Variants in KIZ observed in about 807,000 individuals in gnomAD.
The protein encoded by KIZ is centrosomal protein kizuna.
In KIZ, 68 loss-of-function variants were observed where a neutral mutation model predicts 79.6. The ratio of observed to expected loss-of-function variants is 0.85; its 90% confidence interval spans 0.70 to 1.05. The LOEUF (loss-of-function observed/expected upper bound fraction) is 1.05. KIZ is among the 50% of genes least tolerant of loss of function. KIZ has a pLI of 0.00. For missense variants in KIZ, 797 were observed against 800.4 expected (o/e 1.00, Z 0.05); for synonymous variants, 280 against 281.8 (o/e 0.99, Z 0.06).
chr20:21,132,117 TG>T lies in KIZ; in HGVS notation c.112del (p.Glu38LysfsTer17). 1 of 1,441,064 alleles carries T rather than the reference TG, an allele frequency of 6.9e-7. No individual in the cohort carries two copies. The highest frequency in any genetic ancestry group is 9.5e-7 in the Non-Finnish European group (1 of 1,051,562). 89.3% of individuals were successfully genotyped at this position (1,441,064 alleles called of 1,614,324 possible). A position where few individuals can be genotyped will look rare whatever the true frequency, so the allele number is the denominator to read the frequency against. On this transcript the variant is annotated frameshift_variant, in exon 2 of 13. Transcript: ENST00000619189. LOFTEE classifies it high-confidence loss of function. ...LRDSEKKRLD[L>X]EKKLYEYNQS... The stretch of plus-strand genomic sequence containing the variant: ...TATAGTGAAAAGAAGAGATTGGACC[TG>T]GAAAAGAAACTTTATGAATATAATC...
intron 6 of KIZ, chr20:21,195,543 T>C (rs1000314030): frequency 2.6e-5 from 4 of 152,224 alleles, no homozygotes; most frequent in African/African-American, 9.6e-5. Context: ...CCAAAAACAT[T>C]AAGCCATGGT....
intron 3 of KIZ, among the ~76,000 whole-genome samples, chr20:21,144,708 A>G (rs1322550525): frequency 1.3e-5 from 2 of 152,274 alleles, no homozygotes; most frequent in African/African-American, 2.4e-5. Flanking sequence ...TCGTATGTCA[A>G]AACAAAGCTC....
chr20:21,131,123 T>A (rs2031811603), intron 1 of KIZ, among the ~76,000 whole-genome samples: 1 of 152,234 alleles, frequency 6.6e-6, no homozygotes, highest in African/African-American at 2.4e-5. Context: ...CTGTGGCTAA[T>A]CCTCCCAGGC....
chr20:21,236,851 T>A (rs912328725), intron 11 of KIZ, among the ~76,000 whole-genome samples: 2 of 151,262 alleles, frequency 1.3e-5, no homozygotes, highest in Admixed American at 6.6e-5. Context: ...ACAAAAAAAA[T>A]TAGCCAGGTG....
chr20:21,194,495 T>C (rs2035254712), intron 6 of KIZ: 1 of 152,248 alleles, frequency 6.6e-6, no homozygotes, highest in African/African-American at 2.4e-5. Context: ...GCAAAAGAAC[T>C]GATGAATATT....
chr20:21,166,458 T>C, intron 6 of KIZ: 2 of 1,583,492 alleles, frequency 1.3e-6, no homozygotes, highest in East Asian at 2.2e-5. Context: ...AATTCGCCAG[T>C]GTAACCATGC....
chr20:21,157,699 T>C (rs1377520809), intron 4 of KIZ, among the ~76,000 whole-genome samples: 3 of 152,198 alleles, frequency 2.0e-5, no homozygotes, highest in Non-Finnish European at 4.4e-5. Flanking sequence ...GAATTACTAG[T>C]TGAGAGCAGT....
Position 21,126,083 on chromosome 20 carries a change from G to C in KIZ, c.-33G>C, listed in dbSNP as rs556050036. On this transcript the variant is annotated 5_prime_UTR_variant, in exon 1 of 13. Coordinates refer to ENST00000619189, the MANE Select transcript of KIZ (RefSeq NM_018474.6). ...GCAACCCCGGCCGAACGGCCACCCA[G>C]AGGCTGTGCTGAGCTGGCGCAGCGG... The C allele has an allele frequency of 2.0e-6, 3 of 1,496,636 alleles. No individual in the cohort carries two copies. The highest frequency in any genetic ancestry group is 1.3e-5 in the South Asian group (1 of 79,786). The allele number at this position is 1,496,636 out of a possible 1,614,324, so 92.7% of individuals were successfully genotyped here. A position where few individuals can be genotyped will look rare whatever the true frequency, so the allele number is the denominator to read the frequency against.
chr20:21,166,477 C>T, intron 6 of KIZ: 1 of 1,574,678 alleles, frequency 6.4e-7, no homozygotes, highest in Non-Finnish European at 8.7e-7. Flanking sequence ...GCTTCATCAT[C>T]ACAATGAGAA....
intron 7 of KIZ, among the ~76,000 whole-genome samples, chr20:21,211,338 G>A (rs915784999): frequency 3.3e-5 from 5 of 152,178 alleles, no homozygotes; most frequent in Admixed American, 1.3e-4. Context: ...TTGTGCCCTG[G>A]CATTTAATTT....
At chr20:21,219,355 T>TA (rs2036425231) in intron 9 of KIZ, among the ~76,000 whole-genome samples, 1 of 152,090 alleles carries the variant, frequency 6.6e-6, no homozygotes, top group Non-Finnish European at 1.5e-5. Flanking sequence ...TCTTGCTCTG[T>TA]CACCCAGGCT....
intron 2 of KIZ, among the ~76,000 whole-genome samples, chr20:21,133,489 G>T (rs1248076896): frequency 1.3e-5 from 2 of 152,206 alleles, no homozygotes; most frequent in Non-Finnish European, 2.9e-5. Flanking sequence ...GAAGGCTCCT[G>T]GCCTTCTGGT....
Position 21,233,457 on chromosome 20 carries a change from G to T in KIZ, c.1880+627G>T, listed in dbSNP as rs566462301. 2.6e-4 allele frequency among the ~76,000 whole-genome samples: 40 copies of T among 152,206 alleles called. No individual in the cohort carries two copies. The South Asian group carries it at 6.9e-3, about 26-fold the overall frequency. ...AAAATACTAATCACAGTAGCTTCAG[G>T]TCACTTAGAATTTATAGATGGGAAT... is the stretch of plus-strand genomic sequence containing the variant. On this transcript the variant is annotated intron_variant, in intron 11 of 12. Coordinates refer to ENST00000619189, the MANE Select transcript of KIZ (RefSeq NM_018474.6).
At chr20:21,166,493 A>G (rs1600431141) in intron 6 of KIZ, 1 of 1,568,408 alleles carries the variant, frequency 6.4e-7, no homozygotes, top group Admixed American at 1.7e-5. Flanking sequence ...GAGAAACCGG[A>G]CGATGACTTT....
intron 6 of KIZ, among the ~76,000 whole-genome samples, chr20:21,188,675 AT>A (rs930469620): frequency 1.5e-4 from 16 of 104,630 alleles, no homozygotes; most frequent in African/African-American, 6.8e-4. Context: ...TTTGCATTTT[AT>A]TTTATTTATT....
intron 6 of KIZ, among the ~76,000 whole-genome samples, chr20:21,191,505 C>A (rs1318516970): frequency 6.6e-6 from 1 of 152,230 alleles, no homozygotes; most frequent in Non-Finnish European, 1.5e-5. Flanking sequence ...GGAGGTGAGC[C>A]ACAGCAAAGG....
intron 9 of KIZ, among the ~76,000 whole-genome samples, chr20:21,225,325 A>G (rs910254024): frequency 2.0e-5 from 3 of 152,186 alleles, no homozygotes; most frequent in African/African-American, 7.2e-5. Flanking sequence ...GAACATTCCA[A>G]CCGAAAATGA....
chr20:21,243,919 G>A (rs1213204282), intron 11 of KIZ, among the ~76,000 whole-genome samples: 8 of 152,214 alleles, frequency 5.3e-5, no homozygotes, highest in Admixed American at 4.6e-4. Flanking sequence ...GAGGGAAACC[G>A]GTCCCCTGCC....
At chr20:21,161,696 T>C (rs375858208) in intron 4 of KIZ, among the ~76,000 whole-genome samples, 175 bp from the exon 5 acceptor site, 2 of 152,176 alleles carry the variant, frequency 1.3e-5, no homozygotes, top group African/African-American at 4.8e-5. Flanking sequence ...CTATGGACTT[T>C]ACTGCTTTTT....
Sources: allele counts gnomAD v4.1 joint callset (sites outside exome capture counted in the v4.1 genomes callset), GRCh38; gene constraint gnomAD v4.1.1; transcripts MANE v1.5; gene names NCBI Gene and HGNC (gene_info 2026-07-23, HGNC 2026-07-21).